The following KMT2E variants were observed in gnomAD, a reference collection of about 807,000 sequenced individuals.
KMT2E encodes histone reader KMT2E.
A neutral mutation model predicts 184.6 loss-of-function variants in KMT2E; 30 were observed. The ratio of observed to expected loss-of-function variants is 0.16; its 90% CI spans 0.12 to 0.22. The LOEUF is 0.22. KMT2E is among the 10% of genes least tolerant of loss of function. KMT2E has a pLI of 1.00. For missense variants in KMT2E, 2,023 were observed against 2,237.4 expected, an observed-to-expected ratio of 0.90 and a Z score of 1.93; for synonymous variants, 815 against 776.5, an observed-to-expected ratio of 1.05 and a Z score of -0.82.
chr7:105,074,285 T>A (rs1797442685), intron 7 of KMT2E, among the ~76,000 whole-genome samples: 1 of 152,216 alleles, frequency 6.6e-6, no homozygotes, highest in African/African-American at 2.4e-5. Flanking sequence ...TTTGGCTAGA[T>A]CTCTAATAAT....
chr7:105,079,021 A>G, intron 12 of KMT2E, 58 bp downstream of exon 12: 2 of 898,742 alleles, frequency 2.2e-6, no homozygotes, highest in Non-Finnish European at 1.9e-6. Flanking sequence ...TTGGAATCTG[A>G]GCAATAAGCA....
chr7:105,073,961 TA>T (rs1210443691), intron 7 of KMT2E, among the ~76,000 whole-genome samples: 2 of 152,200 alleles, frequency 1.3e-5, no homozygotes, highest in African/African-American at 4.8e-5. Flanking sequence ...CCTGTTGGTT[TA>T]AAAAAGTAAA....
chr7:105,051,791 A>G (rs1449191798), intron 3 of KMT2E, among the ~76,000 whole-genome samples: 1 of 151,446 alleles, frequency 6.6e-6, no homozygotes, highest in Admixed American at 6.6e-5. Flanking sequence ...GCTAATTTTT[A>G]TATTTTTAAC....
chr7:105,099,880 A>G (rs1798582547), intron 15 of KMT2E, among the ~76,000 whole-genome samples: 1 of 152,146 alleles, frequency 6.6e-6, no homozygotes. Context: ...AGTTACTCCA[A>G]ATTTCTCCTC....
At chr7:105,062,971 A>G (rs192331002) in intron 4 of KMT2E, among the ~76,000 whole-genome samples, 43 of 150,788 alleles carry the variant, frequency 2.9e-4, no homozygotes, top group African/African-American at 9.7e-4. Context: ...TTTAGGCTCC[A>G]TATTTCTGAG....
chr7:105,053,175 GCTGGAAATTTTTTTAAAGGCA>G (rs1796416620), intron 3 of KMT2E, among the ~76,000 whole-genome samples: 1 of 152,112 alleles, frequency 6.6e-6, no homozygotes, highest in Non-Finnish European at 1.5e-5. Context: ...GTTTTGGGAA[GCTGGAAATTTTTTTAAAGGCA>G]TTAGGAAACT....
intron 1 of KMT2E, among the ~76,000 whole-genome samples, chr7:105,032,318 C>T (rs1174633053): frequency 6.6e-6 from 1 of 152,030 alleles, no homozygotes; most frequent in African/African-American, 2.4e-5. Flanking sequence ...GTGGCAGACA[C>T]CTGTATTCCC....
intron 3 of KMT2E, among the ~76,000 whole-genome samples, chr7:105,048,397 A>T (rs1469684805): frequency 5.3e-5 from 8 of 152,094 alleles, no homozygotes; most frequent in Non-Finnish European, 1.2e-4. Flanking sequence ...CAAATGAAGG[A>T]TTAAATACTG....
chr7:105,074,620 A>C (rs1231496862), intron 7 of KMT2E, 23 bp from the exon 8 acceptor site: 1 of 1,456,536 alleles, frequency 6.9e-7, no homozygotes, highest in East Asian at 2.5e-5. Flanking sequence ...TTAAATGTGC[A>C]ATAATTTTTA....
At chr7:105,087,284 G>GATATA (rs1176098361) in intron 13 of KMT2E, among the ~76,000 whole-genome samples, 1 of 143,874 alleles carries the variant, frequency 7.0e-6, no homozygotes, top group South Asian at 2.1e-4. Context: ...ATATAAATAT[G>GATATA]ATATAATATA....
At chr7:105,096,705 T>TAACA (rs1472743417) in intron 15 of KMT2E, among the ~76,000 whole-genome samples, 3 of 152,210 alleles carry the variant, frequency 2.0e-5, no homozygotes, top group Admixed American at 2.0e-4. Flanking sequence ...TGAATGTTTA[T>TAACA]AACAACCACT....
intron 1 of KMT2E, among the ~76,000 whole-genome samples, chr7:105,017,002 T>A (rs1162597464): frequency 6.6e-6 from 1 of 152,142 alleles, no homozygotes. Context: ...GTGGGCGAAA[T>A]TTGTGTAGGG....
At chr7:105,078,456 C>T (rs1029786073) in intron 11 of KMT2E, among the ~76,000 whole-genome samples, 78 of 152,200 alleles carry the variant, frequency 5.1e-4, no homozygotes, top group African/African-American at 1.8e-3. Context: ...TAAGTTTCTT[C>T]ATCACTTTGC....
chr7:105,093,252 G>A (rs532580249), intron 15 of KMT2E, among the ~76,000 whole-genome samples: 2 of 152,172 alleles, frequency 1.3e-5, no homozygotes, highest in East Asian at 1.9e-4. Context: ...TTCTTTGCCC[G>A]TAAATACAGT....
intron 1 of KMT2E, among the ~76,000 whole-genome samples, chr7:105,025,680 A>G (rs1001341330): frequency 6.6e-6 from 1 of 152,204 alleles, no homozygotes; most frequent in Non-Finnish European, 1.5e-5. Flanking sequence ...GGCTAATTCT[A>G]TTGTACTTGT....
At chr7:105,017,535 C>T (rs1427507183) in intron 1 of KMT2E, among the ~76,000 whole-genome samples, 3 of 145,394 alleles carry the variant, frequency 2.1e-5, no homozygotes, top group African/African-American at 5.1e-5. Flanking sequence ...AATCACGAGG[C>T]TATAATTGTT....
chr7:105,097,598 GCTGGTCTTGAACTCCTGA>G (rs1489008893), intron 15 of KMT2E, among the ~76,000 whole-genome samples: 5 of 152,092 alleles, frequency 3.3e-5, no homozygotes, highest in Admixed American at 6.5e-5. Flanking sequence ...TGTTGGCCAG[GCTGGTCTTGAACTCCTGA>G]CCTTGTGATG....
At chr7:105,020,001 A>G (rs1399187828) in intron 1 of KMT2E, among the ~76,000 whole-genome samples, 1 of 151,648 alleles carries the variant, frequency 6.6e-6, no homozygotes, top group Non-Finnish European at 1.5e-5. Context: ...CTACCTACTC[A>G]GGAGGGCGAG....
At chr7:105,089,195 T>G in intron 13 of KMT2E, 1 of 396,328 alleles carries the variant, frequency 2.5e-6, no homozygotes, top group South Asian at 1.8e-5. Flanking sequence ...TCCAAAATCC[T>G]AAACTTTTTT....
Sources: gnomAD v4.1 joint callset for allele counts (sites outside exome capture counted in the v4.1 genomes callset) on GRCh38, gnomAD v4.1.1 for gene constraint, MANE v1.5 for transcripts, NCBI Gene and HGNC (gene_info 2026-07-23, HGNC 2026-07-21) for gene names.